The following TRPM3 variants were observed in gnomAD, a reference collection of about 807,000 sequenced individuals.
TRPM3 encodes the protein transient receptor potential cation channel subfamily M member 3, also known as long transient receptor potential channel 3.
A neutral mutation model predicts 181.2 loss-of-function variants in TRPM3; 77 were observed. That is an observed-to-expected ratio of 0.42 (90% CI 0.35 to 0.51). The LOEUF is 0.51. TRPM3 is among the 20% of genes least tolerant of loss of function. The pLI is 0.01. For synonymous variants in TRPM3, 745 were observed against 796.4 expected, an observed-to-expected ratio of 0.94 and a Z score of 1.09; for missense variants, 1,759 against 2,196.7, an observed-to-expected ratio of 0.80 and a Z score of 3.98.
intron 7 of TRPM3, among the ~76,000 whole-genome samples, chr9:70,777,745 T>C (rs1007868252): frequency 6.6e-6 from 1 of 152,114 alleles, no homozygotes; most frequent in Non-Finnish European, 1.5e-5. Context: ...GTACATCTCT[T>C]GAGGAAAGTT....
chr9:70,888,549 T>C (rs756748752), intron 1 of TRPM3, among the ~76,000 whole-genome samples: 6 of 152,184 alleles, frequency 3.9e-5, no homozygotes, highest in African/African-American at 7.2e-5. Context: ...GGTACAGGTT[T>C]TGTTTTAAAC....
chr9:70,631,551 G>A (rs551669871), intron 12 of TRPM3, among the ~76,000 whole-genome samples: 18 of 152,162 alleles, frequency 1.2e-4, no homozygotes, highest in African/African-American at 4.1e-4. Flanking sequence ...ACTTTAAAAC[G>A]TACAGAGGCA....
At chr9:71,177,906 A>G (rs375411733) in intron 1 of TRPM3, among the ~76,000 whole-genome samples, 73 of 145,106 alleles carry the variant, frequency 5.0e-4, no homozygotes, top group African/African-American at 1.7e-3. Flanking sequence ...TTTGTTTTGT[A>G]TTGAACAGAA....
intron 1 of TRPM3, among the ~76,000 whole-genome samples, chr9:71,290,205 C>T (rs2085686142): frequency 6.6e-6 from 1 of 151,974 alleles, no homozygotes; most frequent in Non-Finnish European, 1.5e-5. Context: ...ATGTGACGCA[C>T]TCTTTTTCAG....
intron 1 of TRPM3, among the ~76,000 whole-genome samples, chr9:71,306,870 T>TCAACAA (rs71352369): frequency 2.6e-5 from 4 of 152,000 alleles, no homozygotes; most frequent in Non-Finnish European, 4.4e-5. Context: ...AGACTCCGTC[T>TCAACAA]CAACAACAAC....
intron 1 of TRPM3, among the ~76,000 whole-genome samples, chr9:71,353,036 G>A (rs894615341): frequency 1.3e-5 from 2 of 152,080 alleles, no homozygotes; most frequent in African/African-American, 4.8e-5. Flanking sequence ...CGCAACTGAT[G>A]TTCAAGCAGC....
At chr9:71,024,805 T>C (rs2097879937) in intron 1 of TRPM3, among the ~76,000 whole-genome samples, 1 of 152,188 alleles carries the variant, frequency 6.6e-6, no homozygotes, top group African/African-American at 2.4e-5. Flanking sequence ...TTCCTACTTT[T>C]TCCTTGTTAT....
chr9:70,987,650 C>T (rs1386112690), intron 1 of TRPM3, among the ~76,000 whole-genome samples: 1 of 152,008 alleles, frequency 6.6e-6, no homozygotes, highest in Non-Finnish European at 1.5e-5. Flanking sequence ...TTTTATCATT[C>T]TGAGAATATA....
At chr9:70,887,591 G>T (rs2096112606) in intron 1 of TRPM3, among the ~76,000 whole-genome samples, 1 of 152,124 alleles carries the variant, frequency 6.6e-6, no homozygotes, top group Non-Finnish European at 1.5e-5. Context: ...GATAAGAAGA[G>T]GCTTCTGGCA....
intron 3 of TRPM3, among the ~76,000 whole-genome samples, chr9:70,856,485 T>C (rs996606995): frequency 3.9e-5 from 6 of 152,168 alleles, no homozygotes; most frequent in African/African-American, 1.2e-4. Context: ...CAGATAAAAT[T>C]TGCATATTGC....
chr9:70,953,119 G>A (rs17056047), intron 1 of TRPM3, among the ~76,000 whole-genome samples: 9,059 of 152,188 alleles, frequency 0.06, 315 homozygotes, highest in South Asian at 0.081. Flanking sequence ...GAACTTCTAT[G>A]GCACAAGGGA....
intron 1 of TRPM3, among the ~76,000 whole-genome samples, chr9:70,958,905 C>G (rs1350097077): frequency 2.0e-5 from 3 of 150,040 alleles, no homozygotes; most frequent in Non-Finnish European, 4.4e-5. Context: ...ATCGCAAGGA[C>G]AAAAAACCAA....
chr9:70,544,749 G>T (rs1477876230), intron 25 of TRPM3, among the ~76,000 whole-genome samples: 2 of 151,630 alleles, frequency 1.3e-5, no homozygotes, highest in African/African-American at 4.9e-5. Context: ...TGATCTAAAG[G>T]GGGGAAAAAA....
At chr9:71,170,347 C>A (rs73467749) in intron 1 of TRPM3, among the ~76,000 whole-genome samples, 1 of 152,082 alleles carries the variant, frequency 6.6e-6, no homozygotes, top group Non-Finnish European at 1.5e-5. Flanking sequence ...TTAGGAAGAA[C>A]GTCTGGACTG....
intron 1 of TRPM3, among the ~76,000 whole-genome samples, chr9:71,304,621 T>C (rs73649718): frequency 0.021 from 3,237 of 152,276 alleles, 111 homozygotes; most frequent in African/African-American, 0.074. Context: ...TAGTGCATCA[T>C]AGACATGCCA....
At chr9:71,133,960 A>G (rs1376025286) in intron 1 of TRPM3, among the ~76,000 whole-genome samples, 1 of 147,568 alleles carries the variant, frequency 6.8e-6, no homozygotes, top group Non-Finnish European at 1.5e-5. Context: ...CCTACTATCT[A>G]AACTGTGTGT....
At chr9:71,395,855 G>A (rs576919152) in intron 1 of TRPM3, among the ~76,000 whole-genome samples, 2 of 152,148 alleles carry the variant, frequency 1.3e-5, no homozygotes, top group Admixed American at 6.5e-5. Flanking sequence ...CAGAATTAAT[G>A]TAAAATTGTA....
At chr9:71,320,015 C>T (rs1462871285) in intron 1 of TRPM3, among the ~76,000 whole-genome samples, 4 of 152,124 alleles carry the variant, frequency 2.6e-5, no homozygotes, top group African/African-American at 9.7e-5. Flanking sequence ...AAAAATACCA[C>T]TTCCAAAAAA....
intron 1 of TRPM3, among the ~76,000 whole-genome samples, chr9:70,903,751 T>C (rs1450112915): frequency 6.6e-6 from 1 of 152,146 alleles, no homozygotes; most frequent in East Asian, 1.9e-4. Context: ...TAATTTACCA[T>C]ACTTTTAGTT....
Sources: gnomAD v4.1 joint callset for allele counts (sites outside exome capture counted in the v4.1 genomes callset) on GRCh38, gnomAD v4.1.1 for gene constraint, MANE v1.5 for transcripts, NCBI Gene and HGNC (gene_info 2026-07-23, HGNC 2026-07-21) for gene names.